Variants in NT5C2 observed in about 807,000 individuals in gnomAD.
NT5C2 encodes 5'-nucleotidase, cytosolic II.
In NT5C2, 58 loss-of-function variants were observed where a neutral mutation model predicts 76.1. That is an observed-to-expected ratio of 0.76 (90% confidence interval 0.62 to 0.95). NT5C2 has a LOEUF of 0.95. Ranked by LOEUF, NT5C2 falls within the 40% of genes least tolerant of loss-of-function variation. NT5C2 has a pLI of 0.00. For missense variants in NT5C2, 478 were observed against 690.3 expected, an observed-to-expected ratio of 0.69 and a Z score of 3.45; for synonymous variants, 229 against 237.4, an observed-to-expected ratio of 0.96 and a Z score of 0.32.
chr10:103,191,954 GTTC>G (rs924760754), intron 1 of NT5C2, among the ~76,000 whole-genome samples: 9 of 147,272 alleles, frequency 6.1e-5, no homozygotes, highest in African/African-American at 2.2e-4. Flanking sequence ...AACCTTTTTT[GTTC>G]TTTTTTTTTT....
At chr10:103,124,175 T>A (rs932415894) in intron 4 of NT5C2, among the ~76,000 whole-genome samples, 1 of 152,154 alleles carries the variant, frequency 6.6e-6, no homozygotes, top group African/African-American at 2.4e-5. Context: ...TCTCCTTGCA[T>A]CTATTAGAAG....
chr10:103,177,087 A>G (rs1472201538), intron 2 of NT5C2, among the ~76,000 whole-genome samples: 1 of 152,202 alleles, frequency 6.6e-6, no homozygotes, highest in Non-Finnish European at 1.5e-5. Context: ...TAAAAGATAA[A>G]TAAATACATT....
chr10:103,185,613 C>T (rs920340524), intron 1 of NT5C2, among the ~76,000 whole-genome samples: 6 of 140,938 alleles, frequency 4.3e-5, no homozygotes, highest in African/African-American at 1.3e-4. Context: ...CACCACTGCA[C>T]ACTCCAGCCT....
At chr10:103,161,311 G>A (rs892458363) in intron 3 of NT5C2, among the ~76,000 whole-genome samples, 23 of 151,956 alleles carry the variant, frequency 1.5e-4, no homozygotes, top group Non-Finnish European at 2.9e-5. Flanking sequence ...TTGAATAGCT[G>A]GGACTACAGG....
chr10:103,132,084 C>T (rs946701870), intron 4 of NT5C2, among the ~76,000 whole-genome samples: 1 of 151,610 alleles, frequency 6.6e-6, no homozygotes, highest in African/African-American at 2.4e-5. Context: ...CTACTAAATA[C>T]AAGAAATTAG....
chr10:103,129,409 C>T (rs1483726899), intron 4 of NT5C2, among the ~76,000 whole-genome samples: 12 of 110,072 alleles, frequency 1.1e-4, no homozygotes, highest in Non-Finnish European at 2.0e-4. Context: ...CGCCTCTGCC[C>T]GGCCGCCCCT....
rs780610785 is a variant in NT5C2 at position 103,089,647 on chromosome 10, G to C, written c.*25C>G. The C allele has an allele frequency of 1.3e-6, 2 of 1,569,910 alleles. No homozygotes were observed. Among genetic ancestry groups the C allele is most frequent in the Non-Finnish European group, 1.7e-6 (2 of 1,158,188 alleles). ...AGTCCTGCCAGGACTTGTTTAATGG[G>C]TGCTTGGGGTTTTGGTTTTCCTCCT... is the stretch of plus-strand genomic sequence containing the variant. On this transcript the variant is annotated 3_prime_UTR_variant, in exon 19 of 19. Coordinates refer to ENST00000404739, the MANE Select transcript of NT5C2 (RefSeq NM_001351169.2).
chr10:103,115,386 A>G (rs1431265813), intron 4 of NT5C2, among the ~76,000 whole-genome samples: 2 of 152,170 alleles, frequency 1.3e-5, no homozygotes, highest in Non-Finnish European at 2.9e-5. Context: ...TGGGTGACAG[A>G]GCAAGACTCC....
At chr10:103,132,802 G>A (rs563993285) in intron 4 of NT5C2, among the ~76,000 whole-genome samples, 17 of 152,076 alleles carry the variant, frequency 1.1e-4, no homozygotes, top group African/African-American at 3.9e-4. Context: ...TGCCTGCCTC[G>A]GTCTCCCAAA....
At chr10:103,115,100 CATGTTGAAAAT>C (rs1443228685) in intron 4 of NT5C2, among the ~76,000 whole-genome samples, 6 of 152,164 alleles carry the variant, frequency 3.9e-5, no homozygotes, top group African/African-American at 1.4e-4. Context: ...CAAGTTTAGT[CATGTTGAAAAT>C]AGCCTTTGGC....
chr10:103,089,349 C>T lies in NT5C2; in HGVS notation c.*323G>A, dbSNP rs183220097. ...CACTCTGAGACTCTTTCCTTTTCCT[C>T]GTGTATCCAGATACACTGACATACG... On this transcript the variant is annotated 3_prime_UTR_variant, in exon 19 of 19. Transcript: ENST00000404739. 43 of 263,334 alleles carry T rather than the reference C, an allele frequency of 1.6e-4. No homozygotes were observed. The highest frequency in any genetic ancestry group is 8.2e-4 in the African/African-American group (38 of 46,298). The allele number at this position is 263,334 out of a possible 1,614,324, so 16.3% of individuals were successfully genotyped here.
chr10:103,158,508 A>G (rs776958878), intron 3 of NT5C2, among the ~76,000 whole-genome samples: 1 of 152,122 alleles, frequency 6.6e-6, no homozygotes, highest in Non-Finnish European at 1.5e-5. Flanking sequence ...GAAGACTCAA[A>G]TTACTAAAAT....
intron 3 of NT5C2, among the ~76,000 whole-genome samples, chr10:103,147,085 T>C (rs2081601534): frequency 6.6e-6 from 1 of 152,226 alleles, no homozygotes; most frequent in Non-Finnish European, 1.5e-5. Flanking sequence ...TTTATAAACG[T>C]GTCCATTTGA....
intron 1 of NT5C2, among the ~76,000 whole-genome samples, chr10:103,181,802 C>T (rs1412297865): frequency 6.6e-6 from 1 of 151,744 alleles, no homozygotes; most frequent in East Asian, 1.9e-4. Context: ...GTCAGGAGTT[C>T]GAGACCAGCC....
chr10:103,155,266 T>G (rs1007561360), intron 3 of NT5C2, among the ~76,000 whole-genome samples: 5 of 152,226 alleles, frequency 3.3e-5, no homozygotes, highest in African/African-American at 1.2e-4. Flanking sequence ...ATAGATCCTC[T>G]TGGCTGAGTC....
chr10:103,130,794 C>A (rs930948759), intron 4 of NT5C2, among the ~76,000 whole-genome samples: 7 of 151,814 alleles, frequency 4.6e-5, no homozygotes, highest in African/African-American at 1.7e-4. Context: ...CATCATTATT[C>A]AAAGTAAATT....
At chr10:103,119,874 G>A (rs576509713) in intron 4 of NT5C2, among the ~76,000 whole-genome samples, 1 of 152,280 alleles carries the variant, frequency 6.6e-6, no homozygotes, top group African/African-American at 2.4e-5. Context: ...TGAGGCTGGT[G>A]GACTGCTTGA....
At chr10:103,102,355 C>T (rs2069956773) in intron 6 of NT5C2, among the ~76,000 whole-genome samples, 1 of 152,074 alleles carries the variant, frequency 6.6e-6, no homozygotes, top group African/African-American at 2.4e-5. Flanking sequence ...TAGAAGGCTA[C>T]ATGTAGAAAT....
chr10:103,146,109 C>T, intron 3 of NT5C2: 2 of 985,366 alleles, frequency 2.0e-6, no homozygotes, highest in Non-Finnish European at 2.4e-6. Flanking sequence ...TAACAAAATT[C>T]TTCGTAAGGT....
Sources: allele counts gnomAD v4.1 joint callset (sites outside exome capture counted in the v4.1 genomes callset), GRCh38; gene constraint gnomAD v4.1.1; transcripts MANE v1.5; gene names NCBI Gene and HGNC (gene_info 2026-07-23, HGNC 2026-07-21).